FLI1: variants seen among roughly 807,000 people sequenced by gnomAD.
FLI1 encodes the protein Friend leukemia integration 1 transcription factor.
FLI1 carries 13 observed loss-of-function variants against 53.1 expected under a neutral mutation model. The ratio of observed to expected loss-of-function variants is 0.24; its 90% CI spans 0.16 to 0.39. The LOEUF is 0.39. Among genes scored for constraint, FLI1 ranks in the 10% least tolerant of loss-of-function variants. The pLI is 1.00. For missense variants in FLI1, 424 were observed against 600.5 expected (o/e 0.71, Z 3.07); for synonymous variants, 244 against 236.7 (o/e 1.03, Z -0.28).
Position 128,768,137 on chromosome 11 carries a change from A to G in FLI1, c.250A>G (p.Ser84Gly). ...CTTTAGGGAGTCTCCGGTGGACTGCAGCGTTAGCAAATGCAGCAAGCTGGT... is the reference window on the plus strand; with the variant it reads ...CTTTAGGGAGTCTCCGGTGGACTGCGGCGTTAGCAAATGCAGCAAGCTGGT... ...NGSRESPVDCSVSKCSKLVGG... is the reference protein window; with the variant it reads ...NGSRESPVDCGVSKCSKLVGG... The change falls in exon 3 of 9, where the codon AGC becomes GGC. Residue 84 changes from serine to glycine, a missense_variant. Transcript: ENST00000527786. 1 of 1,613,342 alleles carries G rather than the reference A, an allele frequency of 6.2e-7. No individual in the cohort carries two copies. The highest frequency in any genetic ancestry group is 8.5e-7 in the Non-Finnish European group (1 of 1,179,546).
chr11:128,781,173 G>A (rs550481872), intron 4 of FLI1, among the ~76,000 whole-genome samples: 3 of 152,320 alleles, frequency 2.0e-5, no homozygotes, highest in African/African-American at 2.4e-5. Flanking sequence ...GGTTCAGTGC[G>A]TGCTCTTAGA....
At chr11:128,773,259 A>C (rs1354313020) in intron 4 of FLI1, among the ~76,000 whole-genome samples, 1 of 152,222 alleles carries the variant, frequency 6.6e-6, no homozygotes, top group African/African-American at 2.4e-5. Context: ...TCTTCCCATG[A>C]GACCGCCTTT....
chr11:128,690,073 G>C (rs1937673514), upstream of FLI1, among the ~76,000 whole-genome samples: 1 of 152,246 alleles, frequency 6.6e-6, no homozygotes, highest in Admixed American at 6.5e-5. Flanking sequence ...CGCATCCAGG[G>C]GCGGCTTGAG....
In FLI1 at chr11:128,811,956, G is replaced by T. The variant is rs1942948109; in HGVS notation, c.*968G>T. The T allele has an allele frequency of 5.0e-6, 1 of 201,042 alleles. No individual in the cohort carries two copies. The highest frequency in any genetic ancestry group is 2.3e-5 in the African/African-American group (1 of 43,400). 12.5% of individuals were successfully genotyped at this position (201,042 alleles called of 1,614,324 possible). A position where few individuals can be genotyped will look rare whatever the true frequency, so the allele number is the denominator to read the frequency against. ...CAGTTTTACTATCGAATCAATCGCTGTTATTTTTTTTAATGTAATTTGTAC... is the reference window on the plus strand; with the variant it reads ...CAGTTTTACTATCGAATCAATCGCTTTTATTTTTTTTAATGTAATTTGTAC... On this transcript the variant is annotated 3_prime_UTR_variant, in exon 9 of 9. Coordinates refer to ENST00000527786, the MANE Select transcript of FLI1 (RefSeq NM_002017.5).
At chr11:128,756,239 A>T (rs1940855119) in intron 1 of FLI1, among the ~76,000 whole-genome samples, 1 of 152,214 alleles carries the variant, frequency 6.6e-6, no homozygotes, top group African/African-American at 2.4e-5. Context: ...GGAGACTGGA[A>T]GTCCAAGATC....
intron 1 of FLI1, among the ~76,000 whole-genome samples, chr11:128,707,948 A>G (rs562251527): frequency 2.6e-5 from 4 of 152,174 alleles, no homozygotes; most frequent in Non-Finnish European, 4.4e-5. Flanking sequence ...TCTCTCCTAA[A>G]TGTCCATAGA....
Position 128,726,539 on chromosome 11 carries a change from C to T in FLI1, c.19-31576C>T, listed in dbSNP as rs541677065. Among the ~76,000 whole-genome samples, 7 of 149,444 alleles carry T rather than the reference C, an allele frequency of 4.7e-5. No individual in the cohort carries two copies. In the East Asian group the frequency reaches 1.4e-3, roughly 30 times the overall value. ...CTATTTCTCCTGCCACCCTCCCACC[C>T]CCCTACCCCCACCCCCGCCTAAGCT... On this transcript the variant is annotated intron_variant, in intron 1 of 8. Coordinates refer to ENST00000527786, the MANE Select transcript of FLI1 (RefSeq NM_002017.5).
chr11:128,746,456 G>C (rs892972274), intron 1 of FLI1, among the ~76,000 whole-genome samples: 1 of 152,176 alleles, frequency 6.6e-6, no homozygotes, highest in Non-Finnish European at 1.5e-5. Flanking sequence ...TCCCCTGTGG[G>C]AGCCCATCCT....
chr11:128,798,421 G>C (rs1196705893), intron 5 of FLI1, among the ~76,000 whole-genome samples: 1 of 152,188 alleles, frequency 6.6e-6, no homozygotes, highest in Non-Finnish European at 1.5e-5. Context: ...CCATGGCAAG[G>C]CTGTGCCCAG....
chr11:128,752,305 A>G (rs540000028), intron 1 of FLI1, among the ~76,000 whole-genome samples: 19 of 152,336 alleles, frequency 1.2e-4, no homozygotes, highest in African/African-American at 4.3e-4. Context: ...TTGTCCCAAG[A>G]ACTTCAGGTG....
At chr11:128,781,276 G>C (rs1026398445) in intron 4 of FLI1, among the ~76,000 whole-genome samples, 1 of 152,156 alleles carries the variant, frequency 6.6e-6, no homozygotes, top group African/African-American at 2.4e-5. Context: ...ACATACCTGT[G>C]TACCTTACCC....
chr11:128,795,655 A>T (rs1239911835), intron 5 of FLI1, among the ~76,000 whole-genome samples: 1 of 146,778 alleles, frequency 6.8e-6, no homozygotes, highest in Non-Finnish European at 1.5e-5. Flanking sequence ...GGTTCACACC[A>T]TTCTCCTGCC....
chr11:128,733,259 C>T (rs1230270018), intron 1 of FLI1, among the ~76,000 whole-genome samples: 3 of 152,054 alleles, frequency 2.0e-5, no homozygotes, highest in Non-Finnish European at 1.5e-5. Flanking sequence ...GTAAAGAATG[C>T]TGATTCCTCG....
chr11:128,800,377 GC>G (rs1942596592), intron 5 of FLI1, among the ~76,000 whole-genome samples: 1 of 152,198 alleles, frequency 6.6e-6, no homozygotes, highest in Non-Finnish European at 1.5e-5. Context: ...GAAGAGAGAG[GC>G]TTTTGTGGGC....
At chr11:128,744,951 G>T (rs942415382) in intron 1 of FLI1, among the ~76,000 whole-genome samples, 4 of 152,188 alleles carry the variant, frequency 2.6e-5, no homozygotes, top group African/African-American at 7.2e-5. Flanking sequence ...TTCTTATGCT[G>T]GGCTGGAGTG....
intron 1 of FLI1, among the ~76,000 whole-genome samples, chr11:128,687,629 G>C (rs180757415): frequency 5.9e-5 from 9 of 152,258 alleles, no homozygotes; most frequent in African/African-American, 1.9e-4. Flanking sequence ...GCCCAGCTGA[G>C]CTCCCTCGAG....
At chr11:128,687,134 G>A (rs1865818895) in intron 1 of FLI1, among the ~76,000 whole-genome samples, 1 of 152,276 alleles carries the variant, frequency 6.6e-6, no homozygotes. Flanking sequence ...GTGGGGTTGT[G>A]TGCGGGTATG....
rs371874026 is a variant in FLI1, at chr11:128,783,751, C to A, written c.655+1728C>A. Among the ~76,000 whole-genome samples the A allele has an allele frequency of 7.2e-5, 11 of 152,302 alleles. No homozygotes were observed. In the East Asian group the frequency reaches 1.2e-3, roughly 16 times the overall value. ...AGAACTCTGTCAGCAAGAGGCCAGC[C>A]CTGACTCTGGAGATCTTGGCCTCTA... On this transcript the variant is annotated intron_variant, in intron 5 of 8. Transcript: ENST00000527786.
chr11:128,754,986 G>T (rs1259530464), intron 1 of FLI1, among the ~76,000 whole-genome samples: 1 of 152,162 alleles, frequency 6.6e-6, no homozygotes, highest in Non-Finnish European at 1.5e-5. Context: ...CTCATCACTT[G>T]TTTTTTTCTA....
Sources: gnomAD v4.1 joint callset for allele counts (sites outside exome capture counted in the v4.1 genomes callset) on GRCh38, gnomAD v4.1.1 for gene constraint, MANE v1.5 for transcripts, NCBI Gene and HGNC (gene_info 2026-07-23, HGNC 2026-07-21) for gene names.